The following SEPTIN7 variants were observed in gnomAD, a reference collection of about 807,000 sequenced individuals.
The protein encoded by SEPTIN7 is septin 7, also known as septin-7.
SEPTIN7 carries 10 observed loss-of-function variants against 63.3 expected under a neutral mutation model. The ratio of observed to expected loss-of-function variants is 0.16; its 90% CI spans 0.10 to 0.27. The LOEUF is 0.27. Among genes scored for constraint, SEPTIN7 ranks in the 10% least tolerant of loss-of-function variants. The pLI is 1.00. For synonymous variants in SEPTIN7, 131 were observed against 165.3 expected (o/e 0.79, Z 1.59); for missense variants, 310 against 521.0 (o/e 0.59, Z 3.94).
At chr7:35,854,359 A>G (rs187384803) in intron 3 of SEPTIN7, among the ~76,000 whole-genome samples, 4 of 152,330 alleles carry the variant, frequency 2.6e-5, no homozygotes, top group South Asian at 2.1e-4. Context: ...TGGGGATTCA[A>G]ATTTTGAAAA....
intron 11 of SEPTIN7, 153 bp from the exon 12 acceptor site, chr7:35,898,095 G>C (rs563528777): frequency 1.9e-6 from 1 of 525,930 alleles, no homozygotes; most frequent in Non-Finnish European, 3.1e-6. Flanking sequence ...AAATAATCAA[G>C]TTTTATATAT....
intron 1 of SEPTIN7, among the ~76,000 whole-genome samples, chr7:35,806,653 C>T (rs745957643): frequency 1.2e-4 from 19 of 152,194 alleles, no homozygotes; most frequent in Non-Finnish European, 2.2e-4. Context: ...AGAATACTTC[C>T]ACCATCCCAG....
chr7:35,864,722 T>TA (rs1038393690), intron 4 of SEPTIN7, among the ~76,000 whole-genome samples: 4 of 152,220 alleles, frequency 2.6e-5, no homozygotes, highest in African/African-American at 4.8e-5. Context: ...AGCACTGCTC[T>TA]AAACTGTTGA....
chr7:35,833,189 G>A lies in SEPTIN7; in HGVS notation c.169+289G>A, dbSNP rs147671695. On this transcript the variant is annotated intron_variant, in intron 3 of 13. Transcript: ENST00000350320. ...ATTCATAGTGCTACAAAAGAAAATA[G>A]CATCTGGTGGTTACTTACTACTCCA... is the stretch of plus-strand genomic sequence containing the variant. 4.9e-3 allele frequency among the ~76,000 whole-genome samples: 743 copies of A among 152,068 alleles called. 3 individuals carry two copies. The highest frequency in any genetic ancestry group is 6.5e-3 in the Non-Finnish European group (442 of 67,868).
At chr7:35,897,588 G>C (rs375687055) in intron 11 of SEPTIN7, among the ~76,000 whole-genome samples, 1 of 151,818 alleles carries the variant, frequency 6.6e-6, no homozygotes, top group African/African-American at 2.4e-5. Context: ...ATTTGCTTCT[G>C]ATTATCTCTG....
intron 3 of SEPTIN7, among the ~76,000 whole-genome samples, chr7:35,862,566 G>T (rs1445700156): frequency 6.6e-6 from 1 of 151,930 alleles, no homozygotes; most frequent in South Asian, 2.1e-4. Context: ...AGACATTTTT[G>T]CATTTTTACA....
rs186178448 is a variant in SEPTIN7, at chr7:35,865,498, G to C, written c.276+1840G>C. Among the ~76,000 whole-genome samples, 87 of 152,106 alleles carry C rather than the reference G, an allele frequency of 5.7e-4. 1 individual carries two copies. The East Asian group carries it at 0.015, about 27-fold the overall frequency. ...CATCGTCATCGTATGCTACTCCATT[G>C]TGTGAATGTATCAGTATATCATTTA... On this transcript the variant is annotated intron_variant, in intron 4 of 13. Coordinates refer to ENST00000350320, the MANE Select transcript of SEPTIN7 (RefSeq NM_001788.6).
chr7:35,820,840 C>T (rs1460747248), intron 1 of SEPTIN7, among the ~76,000 whole-genome samples: 1 of 152,160 alleles, frequency 6.6e-6, no homozygotes, highest in Non-Finnish European at 1.5e-5. Context: ...CTCTGGAAAT[C>T]AGATTCTCCC....
At chr7:35,850,983 T>C (rs1184775714) in intron 3 of SEPTIN7, among the ~76,000 whole-genome samples, 1 of 152,172 alleles carries the variant, frequency 6.6e-6, no homozygotes, top group African/African-American at 2.4e-5. Flanking sequence ...TCTTTTATTA[T>C]AAATACTGTG....
chr7:35,896,085 A>G (rs985330980), intron 11 of SEPTIN7, among the ~76,000 whole-genome samples: 3 of 152,252 alleles, frequency 2.0e-5, no homozygotes, highest in African/African-American at 7.2e-5. Flanking sequence ...CTAGCATTAC[A>G]GGTGTGAACC....
chr7:35,867,219 A>G (rs1785856879), intron 4 of SEPTIN7, among the ~76,000 whole-genome samples: 2 of 152,206 alleles, frequency 1.3e-5, no homozygotes, highest in Admixed American at 6.5e-5. Flanking sequence ...TTTGAGCTCT[A>G]CTTCATGTTT....
intron 4 of SEPTIN7, among the ~76,000 whole-genome samples, chr7:35,866,325 C>T (rs953192692): frequency 1.3e-5 from 2 of 152,134 alleles, no homozygotes; most frequent in Non-Finnish European, 2.9e-5. Context: ...TTGGCTGGCT[C>T]CTTACCAAGC....
intron 6 of SEPTIN7, among the ~76,000 whole-genome samples, chr7:35,875,954 C>T (rs1786451620): frequency 6.6e-6 from 1 of 152,058 alleles, no homozygotes; most frequent in Non-Finnish European, 1.5e-5. Flanking sequence ...GATGAAAAGA[C>T]CAGCCAATAT....
intron 3 of SEPTIN7, among the ~76,000 whole-genome samples, chr7:35,844,864 T>C (rs1178395767): frequency 1.3e-5 from 2 of 152,162 alleles, no homozygotes; most frequent in Non-Finnish European, 2.9e-5. Flanking sequence ...TAGCTGGGAT[T>C]ACAGGTATGA....
At chr7:35,865,177 ATTTGGGTATC>A (rs1785739410) in intron 4 of SEPTIN7, among the ~76,000 whole-genome samples, 1 of 152,154 alleles carries the variant, frequency 6.6e-6, no homozygotes, top group Non-Finnish European at 1.5e-5. Context: ...AACTTTCTTA[ATTTGGGTATC>A]TATTAGGAAT....
chr7:35,836,686 G>A (rs924539177), intron 3 of SEPTIN7, among the ~76,000 whole-genome samples: 2 of 152,026 alleles, frequency 1.3e-5, no homozygotes, highest in Non-Finnish European at 2.9e-5. Context: ...TAGGATATAC[G>A]ATGACTATCC....
chr7:35,801,208 G>C lies in SEPTIN7; in HGVS notation c.-2G>C. The C allele has an allele frequency of 1.3e-6, 2 of 1,515,764 alleles. No homozygotes were observed. The highest frequency in any genetic ancestry group is 2.5e-5 in the South Asian group (2 of 80,482). 93.9% of individuals were successfully genotyped at this position (1,515,764 alleles called of 1,614,324 possible). ...GGGGCTGGTCGCGGAGGGGGGGAGG[G>C]GATGTCGGTCAGTGCGAGATCCGCT... On this transcript the variant is annotated 5_prime_UTR_variant, in exon 1 of 14. Coordinates refer to ENST00000350320, the MANE Select transcript of SEPTIN7 (RefSeq NM_001788.6).
In SEPTIN7 at chr7:35,873,984, A is replaced by G. The variant is rs1583600867; in HGVS notation, c.512+209A>G. On this transcript the variant is annotated intron_variant, in intron 6 of 13. Coordinates refer to ENST00000350320, the MANE Select transcript of SEPTIN7 (RefSeq NM_001788.6). ...GATTTTACTCCTTAGTTCTTCATTC[A>G]TAAGGATTTTCCCTGCTTCATGAAA... is the stretch of plus-strand genomic sequence containing the variant. 13 of 462,502 alleles carry G rather than the reference A, an allele frequency of 2.8e-5. No individual in the cohort carries two copies. The East Asian group carries it at 3.5e-4, about 13-fold the overall frequency. The allele number at this position is 462,502 out of a possible 1,614,324, so 28.6% of individuals were successfully genotyped here.
intron 3 of SEPTIN7, among the ~76,000 whole-genome samples, chr7:35,852,191 C>T (rs1784998370): frequency 6.6e-6 from 1 of 152,180 alleles, no homozygotes; most frequent in Non-Finnish European, 1.5e-5. Context: ...CTCACACCAA[C>T]TCTGTGTTGT....
Sources: allele counts gnomAD v4.1 joint callset (sites outside exome capture counted in the v4.1 genomes callset), GRCh38; gene constraint gnomAD v4.1.1; transcripts MANE v1.5; gene names NCBI Gene and HGNC (gene_info 2026-07-23, HGNC 2026-07-21).